ZFPM2: variants seen among roughly 807,000 people sequenced by gnomAD.
ZFPM2 encodes the protein zinc finger protein ZFPM2.
ZFPM2 carries 20 observed loss-of-function variants against 98.6 expected under a neutral mutation model. That is an observed-to-expected ratio of 0.20 (90% confidence interval 0.14 to 0.29). The LOEUF (loss-of-function observed/expected upper bound fraction) is 0.29. ZFPM2 is among the 10% of genes least tolerant of loss of function. The probability of loss-of-function intolerance (pLI) is 1.00; values close to 1 mark genes in which losing one functional copy is unlikely to be tolerated. For synonymous variants in ZFPM2, 518 were observed against 502.7 expected (o/e 1.03, Z -0.41); for missense variants, 1,310 against 1,388.6 (o/e 0.94, Z 0.90).
intron 3 of ZFPM2, among the ~76,000 whole-genome samples, chr8:105,458,664 TAAGC>T (rs1409219341): frequency 2.0e-5 from 3 of 152,210 alleles, no homozygotes; most frequent in Non-Finnish European, 2.9e-5. Flanking sequence ...GTATTTTTAA[TAAGC>T]AATGCATTAT....
intron 3 of ZFPM2, among the ~76,000 whole-genome samples, chr8:105,512,483 A>T (rs1268774143): frequency 6.6e-6 from 1 of 152,208 alleles, no homozygotes; most frequent in Non-Finnish European, 1.5e-5. Flanking sequence ...TATAGTAGTC[A>T]TAATGTAAAA....
intron 1 of ZFPM2, among the ~76,000 whole-genome samples, chr8:105,345,135 A>G (rs1586305071): frequency 6.6e-6 from 1 of 152,304 alleles, no homozygotes; most frequent in South Asian, 2.1e-4. Context: ...TAGTGATAAA[A>G]CTGCCTTGAC....
At chr8:105,440,246 T>C (rs1245876703) in intron 2 of ZFPM2, among the ~76,000 whole-genome samples, 4 of 152,240 alleles carry the variant, frequency 2.6e-5, no homozygotes, top group African/African-American at 7.2e-5. Context: ...TGTATTTTTG[T>C]TGAATCTATT....
chr8:105,665,952 G>A (rs930292963), intron 5 of ZFPM2, among the ~76,000 whole-genome samples: 83 of 152,260 alleles, frequency 5.5e-4, no homozygotes, highest in African/African-American at 1.9e-3. Flanking sequence ...AGAACAATAT[G>A]AACCTAAATC....
chr8:105,538,668 A>C (rs1420559248), intron 3 of ZFPM2, among the ~76,000 whole-genome samples: 1 of 151,080 alleles, frequency 6.6e-6, no homozygotes, highest in South Asian at 2.1e-4. Flanking sequence ...GATCATTGTT[A>C]TTTTCTTGAT....
At chr8:105,760,309 C>CA (rs1812706668) in intron 5 of ZFPM2, among the ~76,000 whole-genome samples, 1 of 151,878 alleles carries the variant, frequency 6.6e-6, no homozygotes, top group Admixed American at 6.6e-5. Flanking sequence ...CCAGGTAGGT[C>CA]ACATGCAATA....
chr8:105,525,946 G>T (rs1400199453), intron 3 of ZFPM2, among the ~76,000 whole-genome samples: 3 of 152,042 alleles, frequency 2.0e-5, no homozygotes, highest in African/African-American at 4.8e-5. Flanking sequence ...TTATCAGCTT[G>T]CCTGGCCTAA....
intron 1 of ZFPM2, among the ~76,000 whole-genome samples, chr8:105,346,061 T>C (rs1393644571): frequency 6.6e-6 from 1 of 152,192 alleles, no homozygotes; most frequent in Non-Finnish European, 1.5e-5. Context: ...ACAGGTGTTA[T>C]GGCATAGACA....
chr8:105,691,374 G>A lies in ZFPM2; in HGVS notation c.532+57017G>A, dbSNP rs1344099073. On this transcript the variant is annotated intron_variant, in intron 5 of 7. Coordinates refer to ENST00000407775, the MANE Select transcript of ZFPM2 (RefSeq NM_012082.4). ...CGCCATTCTCCTGCCTCAGCCTCCC[G>A]AGTAGCCGGGACTACGGGCGCCCGC... Among the ~76,000 whole-genome samples, 12 of 140,498 alleles carry A rather than the reference G, an allele frequency of 8.5e-5. 2 individuals are homozygous for A. Among genetic ancestry groups the A allele is most frequent in the African/African-American group, 8.3e-5 (3 of 36,074 alleles). The allele number at this position is 140,498 out of a possible 152,430, so 92.2% of individuals were successfully genotyped here. A position where few individuals can be genotyped will look rare whatever the true frequency, so the allele number is the denominator to read the frequency against.
At chr8:105,389,773 T>G (rs1238777224) in intron 1 of ZFPM2, among the ~76,000 whole-genome samples, 2 of 152,152 alleles carry the variant, frequency 1.3e-5, no homozygotes, top group Non-Finnish European at 2.9e-5. Flanking sequence ...TAAGACGTGA[T>G]CATAGCTATG....
At chr8:105,543,579 C>G (rs1384810656) in intron 3 of ZFPM2, among the ~76,000 whole-genome samples, 5 of 151,954 alleles carry the variant, frequency 3.3e-5, no homozygotes, top group Non-Finnish European at 7.4e-5. Context: ...GGAATTAAAC[C>G]AATTGGAAGA....
chr8:105,578,072 T>C (rs1815506736), intron 4 of ZFPM2, among the ~76,000 whole-genome samples: 1 of 152,146 alleles, frequency 6.6e-6, no homozygotes, highest in African/African-American at 2.4e-5. Context: ...GTATTGCTAC[T>C]ATTTGTCACA....
intron 5 of ZFPM2, among the ~76,000 whole-genome samples, chr8:105,720,816 A>G (rs1251831187): frequency 1.3e-5 from 2 of 151,982 alleles, no homozygotes; most frequent in Middle Eastern, 3.4e-3. Context: ...ACCTCAGCTC[A>G]CTTCCACATT....
chr8:105,747,147 A>T (rs536740379), intron 5 of ZFPM2, among the ~76,000 whole-genome samples: 1 of 152,102 alleles, frequency 6.6e-6, no homozygotes, highest in African/African-American at 2.4e-5. Context: ...TCTTGTTATC[A>T]TCTTTATTTT....
chr8:105,645,828 C>T (rs2008590), intron 5 of ZFPM2, among the ~76,000 whole-genome samples: 3,910 of 151,882 alleles, frequency 0.026, 131 homozygotes, highest in African/African-American at 0.085. Context: ...CCAAGGCAGA[C>T]GGATCATAAG....
chr8:105,772,035 G>A (rs1812988208), intron 5 of ZFPM2, among the ~76,000 whole-genome samples: 1 of 151,912 alleles, frequency 6.6e-6, no homozygotes, highest in South Asian at 2.1e-4. Context: ...AATACAACAT[G>A]TTTATTACAC....
At chr8:105,366,871 A>G (rs201049317) in intron 1 of ZFPM2, among the ~76,000 whole-genome samples, 8 of 150,174 alleles carry the variant, frequency 5.3e-5, no homozygotes, top group African/African-American at 9.8e-5. Context: ...TAACATTTAA[A>G]TCTTTAATCC....
chr8:105,595,184 A>G (rs1196109252), intron 4 of ZFPM2, among the ~76,000 whole-genome samples: 2 of 152,164 alleles, frequency 1.3e-5, no homozygotes, highest in Non-Finnish European at 2.9e-5. Context: ...ATTGGCAAGA[A>G]TAAGCTTCAA....
At chr8:105,384,290 C>A (rs560192186) in intron 1 of ZFPM2, among the ~76,000 whole-genome samples, 1 of 152,086 alleles carries the variant, frequency 6.6e-6, no homozygotes, top group African/African-American at 2.4e-5. Context: ...TGATGACCCA[C>A]GCAAAGCTCC....
Sources: allele counts gnomAD v4.1 joint callset (sites outside exome capture counted in the v4.1 genomes callset), GRCh38; gene constraint gnomAD v4.1.1; transcripts MANE v1.5; gene names NCBI Gene and HGNC (gene_info 2026-07-23, HGNC 2026-07-21).